The following CDH23 variants were observed in gnomAD, a reference collection of about 807,000 sequenced individuals.
The protein encoded by CDH23 is cadherin related 23, also known as cadherin-23.
CDH23 carries 189 observed loss-of-function variants against 317.1 expected under a neutral mutation model. The observed-to-expected ratio is 0.60, with a 90% CI of 0.53 to 0.67. The LOEUF is 0.67. Ranked by LOEUF, CDH23 falls within the 30% of genes least tolerant of loss-of-function variation. The probability of loss-of-function intolerance (pLI) is 0.00; values close to 1 mark genes in which losing one functional copy is unlikely to be tolerated. For synonymous variants in CDH23, 1,839 were observed against 1,876.8 expected, an observed-to-expected ratio of 0.98 and a Z score of 0.52; for missense variants, 4,401 against 4,592.4, an observed-to-expected ratio of 0.96 and a Z score of 1.20.
Position 71,605,424 on chromosome 10 carries a change from T to A in CDH23, c.833-10080T>A, listed in dbSNP as rs191276128. Among the ~76,000 whole-genome samples the A allele has an allele frequency of 1.3e-3, 203 of 152,296 alleles. 1 individual carries two copies. Among genetic ancestry groups the A allele is most frequent in the African/African-American group, 4.4e-3 (181 of 41,554 alleles). ...GGGGGAAAGTGCTACCAGCATCTAG[T>A]GGGTAGAGGCCAGGGGTGCTGCTGA... On this transcript the variant is annotated intron_variant, in intron 9 of 69. Transcript: ENST00000224721.
intron 1 of CDH23, among the ~76,000 whole-genome samples, chr10:71,408,367 A>AGAAGAGAGAGAGAGAGAGAG (rs1848204764): frequency 2.0e-5 from 3 of 151,834 alleles, no homozygotes; most frequent in Non-Finnish European, 4.4e-5. Context: ...GTGTGTTAGA[A>AGAAGAGAGAGAGAGAGAGAG]GAAGAGAGAG....
chr10:71,795,958 G>A (rs1564798084), intron 48 of CDH23: 1 of 986,004 alleles, frequency 1.0e-6, no homozygotes, highest in Non-Finnish European at 1.2e-6. Flanking sequence ...CTGGGCCAAG[G>A]CCGTGGCCCA....
chr10:71,532,880 C>T (rs183041176), intron 6 of CDH23, among the ~76,000 whole-genome samples: 2 of 152,138 alleles, frequency 1.3e-5, no homozygotes, highest in South Asian at 2.1e-4. Flanking sequence ...CAGGCATCCA[C>T]CACCATGCCT....
Position 71,702,055 on chromosome 10 carries a change from G to C in CDH23, c.2431G>C (p.Gly811Arg). Residue 811 changes from glycine to arginine, a missense_variant, in exon 23 of 70, where the codon GGC (glycine) becomes CGC (arginine). Transcript: ENST00000224721. ...TGTTGACCCAGACCTGGGGGAGAATGGCACCCTGGTGTACAGCATCCAGCC... is the reference window on the plus strand; with the variant it reads ...TGTTGACCCAGACCTGGGGGAGAATCGCACCCTGGTGTACAGCATCCAGCC... ...VAVDPDLGEN[G>R]TLVYSIQPPN... The C allele has an allele frequency of 6.2e-7, 1 of 1,613,782 alleles. No homozygotes were observed. The highest frequency in any genetic ancestry group is 2.2e-5 in the East Asian group (1 of 44,880).
intron 28 of CDH23, among the ~76,000 whole-genome samples, chr10:71,718,314 C>T (rs1478018828): frequency 4.6e-5 from 7 of 152,210 alleles, no homozygotes; most frequent in African/African-American, 1.7e-4. Flanking sequence ...CTCCTGGCTC[C>T]CTGCGCCCAG....
chr10:71,736,420 T>C (rs1044537315), intron 34 of CDH23, among the ~76,000 whole-genome samples: 1 of 152,154 alleles, frequency 6.6e-6, no homozygotes, highest in Non-Finnish European at 1.5e-5. Context: ...CCAGCAGCCC[T>C]GGCCGGCCCC....
rs763104858 is a variant in CDH23, at chr10:71,812,901, C to T, written c.9633+11C>T. 8.7e-6 allele frequency: 14 copies of T among 1,612,540 alleles called. No homozygotes were observed. Among genetic ancestry groups the T allele is most frequent in the Non-Finnish European group, 1.2e-5 (14 of 1,179,294 alleles). On this transcript the variant is annotated intron_variant, in intron 68 of 69. Transcript: ENST00000224721. Reference sequence around the variant, plus strand: ...GAGGGGCCAATCAAGGTGAGCCTTCCCTGCAGGCTCCGCGCCCAGTCCCTT... The same window carrying T: ...GAGGGGCCAATCAAGGTGAGCCTTCTCTGCAGGCTCCGCGCCCAGTCCCTT...
chr10:71,697,146 G>A (rs1016087409), intron 22 of CDH23, among the ~76,000 whole-genome samples: 3 of 152,222 alleles, frequency 2.0e-5, no homozygotes, highest in African/African-American at 7.2e-5. Context: ...GACAAGGCGT[G>A]GGTGTGCCAG....
At chr10:71,621,800 T>G (rs1221035375) in intron 11 of CDH23, among the ~76,000 whole-genome samples, 1 of 152,206 alleles carries the variant, frequency 6.6e-6, no homozygotes, top group Non-Finnish European at 1.5e-5. Flanking sequence ...TGCTAGACCA[T>G]TCACAACAAC....
intron 1 of CDH23, among the ~76,000 whole-genome samples, chr10:71,421,443 A>G (rs2131951725): frequency 6.6e-6 from 1 of 152,370 alleles, no homozygotes; most frequent in African/African-American, 2.4e-5. Context: ...CATTTTCAAG[A>G]AAGTCTTGAC....
chr10:71,561,148 C>A (rs1312771823), intron 6 of CDH23, among the ~76,000 whole-genome samples: 1 of 151,506 alleles, frequency 6.6e-6, no homozygotes, highest in Non-Finnish European at 1.5e-5. Context: ...TTTCCTGTTT[C>A]AGTTAGTTCC....
chr10:71,739,002 T>C (rs1839659508), intron 35 of CDH23, among the ~76,000 whole-genome samples: 1 of 152,348 alleles, frequency 6.6e-6, no homozygotes, highest in East Asian at 1.9e-4. Flanking sequence ...CAGGAGGCGC[T>C]TGCTGTCGCT....
At chr10:71,449,352 C>T (rs1203827272) in intron 3 of CDH23, among the ~76,000 whole-genome samples, 2 of 152,182 alleles carry the variant, frequency 1.3e-5, no homozygotes, top group Non-Finnish European at 2.9e-5. Flanking sequence ...TCTCCTTAGA[C>T]ACCCAGTGAT....
chr10:71,765,425 G>A (rs1328974429), intron 38 of CDH23, among the ~76,000 whole-genome samples: 1 of 152,226 alleles, frequency 6.6e-6, no homozygotes, highest in Non-Finnish European at 1.5e-5. Context: ...AAGCTGAGCT[G>A]GGTGGGGTTG....
At chr10:71,784,020 G>A (rs1019278196) in intron 41 of CDH23, among the ~76,000 whole-genome samples, 3 of 152,186 alleles carry the variant, frequency 2.0e-5, no homozygotes, top group Non-Finnish European at 4.4e-5. Context: ...GTGGCCCAGG[G>A]AAGGAAGCTG....
intron 6 of CDH23, among the ~76,000 whole-genome samples, chr10:71,515,062 G>A (rs1377443962): frequency 6.6e-6 from 1 of 152,172 alleles, no homozygotes; most frequent in African/African-American, 2.4e-5. Flanking sequence ...GCCCCAGGGA[G>A]GTGACCCTGG....
At chr10:71,619,732 G>T (rs1287753982) in intron 11 of CDH23, among the ~76,000 whole-genome samples, 1 of 152,162 alleles carries the variant, frequency 6.6e-6, no homozygotes, top group Non-Finnish European at 1.5e-5. Flanking sequence ...TGTGTGCAGT[G>T]GGGAGGTAGG....
intron 3 of CDH23, among the ~76,000 whole-genome samples, chr10:71,456,967 G>A (rs1484411937): frequency 2.0e-5 from 3 of 152,208 alleles, no homozygotes; most frequent in Non-Finnish European, 2.9e-5. Flanking sequence ...TGCTTTTAAG[G>A]AGCTCCAGTC....
chr10:71,811,266 G>C, intron 62 of CDH23, 49 bp from the exon 63 acceptor site: 1 of 1,613,170 alleles, frequency 6.2e-7, no homozygotes, highest in Non-Finnish European at 8.5e-7. Flanking sequence ...ACTGTCGGTG[G>C]TGGGGGAATG....
Sources: allele counts gnomAD v4.1 joint callset (sites outside exome capture counted in the v4.1 genomes callset), GRCh38; gene constraint gnomAD v4.1.1; transcripts MANE v1.5; gene names NCBI Gene and HGNC (gene_info 2026-07-23, HGNC 2026-07-21).